Variants in DCTPP1 observed in about 807,000 individuals in gnomAD.
DCTPP1 encodes the protein dCTP pyrophosphatase 1.
DCTPP1 carries 8 observed loss-of-function variants against 8.8 expected under a neutral mutation model. The ratio of observed to expected loss-of-function variants is 0.91; its 90% CI spans 0.54 to 1.64. The LOEUF (loss-of-function observed/expected upper bound fraction) is 1.64, where lower values mean the gene tolerates loss of function less well. Ranked by LOEUF, DCTPP1 falls within the 40% of genes most tolerant of loss-of-function variation. The pLI, the probability that DCTPP1 is intolerant of heterozygous loss-of-function variation, is 0.00. For missense variants in DCTPP1, 231 were observed against 230.4 expected (o/e 1.00, Z -0.02); for synonymous variants, 85 against 92.1 (o/e 0.92, Z 0.44).
chr16:30,423,615 T>C lies in DCTPP1; in HGVS notation c.*618A>G, dbSNP rs561235686. ...AAGGAAAACAGGTAATAACAGTAACTGCAAAACTTACCAAGTGTACTTTAC... is the reference window on the plus strand; with the variant it reads ...AAGGAAAACAGGTAATAACAGTAACCGCAAAACTTACCAAGTGTACTTTAC... On this transcript the variant is annotated 3_prime_UTR_variant, in exon 3 of 3. Coordinates refer to ENST00000319285, the MANE Select transcript of DCTPP1 (RefSeq NM_024096.2). The C allele has an allele frequency of 2.0e-5, 3 of 151,104 alleles. No homozygotes were observed. In the East Asian group the frequency reaches 5.8e-4, roughly 29 times the overall value. The allele number at this position is 151,104 out of a possible 1,614,324, so 9.4% of individuals were successfully genotyped here. A position where few individuals can be genotyped will look rare whatever the true frequency, so the allele number is the denominator to read the frequency against.
At chr16:30,426,976 C>A (rs2050198007) in intron 2 of DCTPP1, among the ~76,000 whole-genome samples, 1 of 150,176 alleles carries the variant, frequency 6.7e-6, no homozygotes, top group African/African-American at 2.5e-5. Flanking sequence ...GCTGGGATTA[C>A]AGGTGTGAGC....
intron 2 of DCTPP1, among the ~76,000 whole-genome samples, chr16:30,424,966 C>T (rs140073352): frequency 7.2e-5 from 11 of 152,340 alleles, no homozygotes; most frequent in East Asian, 1.9e-4. Flanking sequence ...CTGCAACCTC[C>T]GCCTCCCGGG....
intron 2 of DCTPP1, among the ~76,000 whole-genome samples, chr16:30,428,663 G>A (rs922124643): frequency 6.6e-6 from 1 of 152,078 alleles, no homozygotes; most frequent in Non-Finnish European, 1.5e-5. Flanking sequence ...CCAGCTACTC[G>A]GGGGGCTGAG....
chr16:30,429,383 G>A (rs1321791599), intron 1 of DCTPP1: 5 of 475,826 alleles, frequency 1.1e-5, no homozygotes, highest in African/African-American at 2.0e-5. Context: ...TTAACATCTC[G>A]CCAAAACTAA....
Position 30,424,526 on chromosome 16 carries a change from T to C in DCTPP1, c.220A>G (p.Lys74Glu). 1 of 1,613,528 alleles carries C rather than the reference T, an allele frequency of 6.2e-7. No individual in the cohort carries two copies. The highest frequency in any genetic ancestry group is 8.5e-7 in the Non-Finnish European group (1 of 1,179,950). Residue 74 changes from lysine to glutamate, a missense_variant, in exon 3 of 3, where the codon AAA (lysine) becomes GAA (glutamate). Transcript: ENST00000319285. ...VGELAELFQW[K>E]TDGEPGPQGW... ...TGGGGGCCAGGTTCCCCATCGGTTT[T>C]CCACTGACTAGGGGCAGAACACAGA...
At chr16:30,425,436 C>T (rs1021323226) in intron 2 of DCTPP1, among the ~76,000 whole-genome samples, 1 of 151,296 alleles carries the variant, frequency 6.6e-6, no homozygotes, top group East Asian at 1.9e-4. Context: ...TGCAGTGAGC[C>T]GAGATCGCAC....
chr16:30,428,375 C>G (rs2050205793), intron 2 of DCTPP1, among the ~76,000 whole-genome samples: 1 of 152,224 alleles, frequency 6.6e-6, no homozygotes. Context: ...TGAACTTGCC[C>G]TTTCTTGCCT....
intron 2 of DCTPP1, among the ~76,000 whole-genome samples, chr16:30,428,242 A>G (rs1054419327): frequency 3.3e-5 from 5 of 152,120 alleles, no homozygotes; most frequent in Non-Finnish European, 7.4e-5. Flanking sequence ...CACTCATCCA[A>G]CGTGTGCCTA....
chr16:30,429,929 C>A lies in DCTPP1; in HGVS notation c.52G>T (p.Ala18Ser). 6.3e-7 allele frequency: 1 copy of A among 1,593,346 alleles called. No homozygotes were observed. Among genetic ancestry groups the A allele is most frequent in the Non-Finnish European group, 8.5e-7 (1 of 1,170,860 alleles). ...IRGDTGGEDT[A>S]APGRFSFSPE... ...CTGAAGCTGAACCGGCCGGGAGCAG[C>A]AGTGTCCTCTCCCCCCGTGTCCCCA... Residue 18 changes from alanine to serine, a missense_variant, in exon 1 of 3, where the codon GCT (alanine) becomes TCT (serine). Coordinates refer to ENST00000319285, the MANE Select transcript of DCTPP1 (RefSeq NM_024096.2).
rs1315109042 is a variant in DCTPP1 at position 30,424,360 on chromosome 16, T to A, written c.386A>T (p.Tyr129Phe). ...LSKMDINRRR[Y>F]PAHLARSSSR... ...AGAGCTGCGGGCCAGATGGGCTGGG[T>A]AGCGTCGCCGGTTGATGTCCATTTT... Residue 129 changes from tyrosine (Y) to phenylalanine (F), a missense_variant, in exon 3 of 3, where the codon TAC becomes TTC. By Grantham distance (22) the Tyr-to-Phe change is conservative. Transcript: ENST00000319285. The A allele has an allele frequency of 6.2e-7, 1 of 1,614,186 alleles. No individual in the cohort carries two copies. The highest frequency in any genetic ancestry group is 2.2e-5 in the East Asian group (1 of 44,880).
At chr16:30,424,681 G>T in intron 2 of DCTPP1, 148 bp from the exon 3 acceptor site, 1 of 961,386 alleles carries the variant, frequency 1.0e-6, no homozygotes, top group Non-Finnish European at 1.5e-6. Context: ...GACCCCGACA[G>T]ATGATACCAA....
At chr16:30,428,725 C>A (rs1056265393) in intron 2 of DCTPP1, among the ~76,000 whole-genome samples, 1 of 152,096 alleles carries the variant, frequency 6.6e-6, no homozygotes, top group Non-Finnish European at 1.5e-5. Context: ...CGAAATTGAG[C>A]CACTGCACTC....
At chr16:30,429,231 G>C (rs2050211031) in intron 1 of DCTPP1, 64 bp from the exon 2 acceptor site, 4 of 1,554,856 alleles carry the variant, frequency 2.6e-6, no homozygotes, top group South Asian at 1.1e-5. Context: ...AGGGGCCAGA[G>C]GCAGCTACCC....
At chr16:30,426,579 C>A (rs1052953729) in intron 2 of DCTPP1, among the ~76,000 whole-genome samples, 1 of 150,896 alleles carries the variant, frequency 6.6e-6, no homozygotes, top group Non-Finnish European at 1.5e-5. Context: ...TCAAGCGATT[C>A]TCCTGCCTCA....
At chr16:30,425,927 C>T (rs1251020302) in intron 2 of DCTPP1, among the ~76,000 whole-genome samples, 2 of 152,202 alleles carry the variant, frequency 1.3e-5, no homozygotes, top group Non-Finnish European at 2.9e-5. Context: ...TGACAAAGCC[C>T]TCCTGTCCTG....
In DCTPP1 at chr16:30,424,539, G is replaced by A. The variant is rs571601864; in HGVS notation, c.213-6C>T. On this transcript the variant is annotated splice_polypyrimidine_tract_variant and splice_region_variant and intron_variant, in intron 2 of 2. Transcript: ENST00000319285. ...CCCCATCGGTTTTCCACTGACTAGG[G>A]GCAGAACACAGACAGACACACACTC... 59 of 1,612,252 alleles carry A rather than the reference G, an allele frequency of 3.7e-5. No homozygotes were observed. The East Asian group carries it at 8.7e-4, about 24-fold the overall frequency.
Position 30,424,252 on chromosome 16 carries a change from G to A in DCTPP1, c.494C>T (p.Thr165Ile), listed in dbSNP as rs758941195. The A allele has an allele frequency of 7.4e-6, 12 of 1,614,088 alleles. No individual in the cohort carries two copies. The East Asian group carries it at 2.7e-4, about 36-fold the overall frequency. Residue 165 changes from threonine to isoleucine, a missense_variant, in exon 3 of 3, where the codon ACA (threonine) becomes ATA (isoleucine). Physicochemically the swap from Thr to Ile is moderately conservative, Grantham distance 89. Transcript: ENST00000319285. ...VGPADIPCDS[T>I]GQTST The stretch of plus-strand genomic sequence containing the variant: ...ATCTTTCTAGGTTGAGGTCTGGCCT[G>A]TGGAGTCACAGGGAATGTCCGCAGG...
At position 30,429,944 on chromosome 16, in the gene DCTPP1, C is replaced by G. The variant is rs201197422; in HGVS notation, c.37G>C (p.Gly13Arg). 6.3e-6 allele frequency: 10 copies of G among 1,586,632 alleles called. No individual in the cohort carries two copies. The highest frequency in any genetic ancestry group is 5.6e-5 in the South Asian group (5 of 88,770). Residue 13 changes from glycine (G) to arginine (R), a missense_variant, in exon 1 of 3, where the codon GGG becomes CGG. Coordinates refer to ENST00000319285, the MANE Select transcript of DCTPP1 (RefSeq NM_024096.2). ...VAGGEIRGDT[G>R]GEDTAAPGRF... The stretch of plus-strand genomic sequence containing the variant: ...CCGGGAGCAGCAGTGTCCTCTCCCC[C>G]CGTGTCCCCACGAATCTCCCCACCG...
intron 2 of DCTPP1, 166 bp downstream of exon 2, chr16:30,428,891 C>T (rs780561744): frequency 4.8e-6 from 3 of 626,050 alleles, no homozygotes; most frequent in Non-Finnish European, 8.0e-6. Context: ...AGGCTGAGTG[C>T]CCCTAGAGGG....
Sources: gnomAD v4.1 joint callset for allele counts (sites outside exome capture counted in the v4.1 genomes callset) on GRCh38, gnomAD v4.1.1 for gene constraint, MANE v1.5 for transcripts, NCBI Gene and HGNC (gene_info 2026-07-23, HGNC 2026-07-21) for gene names.